Variants in PDZRN4 observed in about 807,000 individuals in gnomAD.
PDZRN4 encodes the protein PDZ domain-containing RING finger protein 4.
Under a neutral mutation model 99.0 loss-of-function variants are expected in PDZRN4, and 70 were observed. That is an observed-to-expected ratio of 0.71 (90% CI 0.58 to 0.86). PDZRN4 has a LOEUF of 0.86. Ranked by LOEUF, PDZRN4 falls within the 40% of genes least tolerant of loss-of-function variation. The pLI, the probability that PDZRN4 is intolerant of heterozygous loss-of-function variation, is 0.00. For synonymous variants in PDZRN4, 551 were observed against 501.6 expected, an observed-to-expected ratio of 1.10 and a Z score of -1.32; for missense variants, 1,474 against 1,331.2, an observed-to-expected ratio of 1.11 and a Z score of -1.67.
At position 41,353,105 on chromosome 12, in the gene PDZRN4, C is replaced by T. The variant is rs559634365; in HGVS notation, c.844-153351C>T. On this transcript the variant is annotated intron_variant, in intron 3 of 9. Transcript: ENST00000402685. ...AGAAATGTTTGTTAATTAGGCACTT[C>T]TATTTGTTGGTGATATACCAGATAT... Among the ~76,000 whole-genome samples the T allele has an allele frequency of 9.2e-5, 14 of 152,008 alleles. No individual in the cohort carries two copies. The South Asian group carries it at 2.9e-3, about 32-fold the overall frequency.
intron 5 of PDZRN4, among the ~76,000 whole-genome samples, chr12:41,520,677 G>C (rs1360066555): frequency 6.8e-6 from 1 of 146,780 alleles, no homozygotes; most frequent in Non-Finnish European, 1.5e-5. Flanking sequence ...CTCTAACTCA[G>C]CCGCATTATT....
chr12:41,227,689 C>A (rs956146166), intron 3 of PDZRN4, among the ~76,000 whole-genome samples: 5 of 151,580 alleles, frequency 3.3e-5, no homozygotes, highest in African/African-American at 7.3e-5. Context: ...CAACAACAAA[C>A]ATTAAGACAT....
intron 3 of PDZRN4, among the ~76,000 whole-genome samples, chr12:41,215,684 T>C (rs1468710188): frequency 6.6e-6 from 1 of 151,954 alleles, no homozygotes; most frequent in African/African-American, 2.4e-5. Context: ...CCACTTGAAT[T>C]ATAACTTGCA....
chr12:41,364,074 A>C (rs1470945003), intron 3 of PDZRN4, among the ~76,000 whole-genome samples: 1 of 152,082 alleles, frequency 6.6e-6, no homozygotes, highest in Non-Finnish European at 1.5e-5. Flanking sequence ...TAATACAAGG[A>C]AGAAGATCAT....
intron 3 of PDZRN4, among the ~76,000 whole-genome samples, chr12:41,443,835 A>G (rs1952701508): frequency 6.6e-6 from 1 of 152,154 alleles, no homozygotes; most frequent in South Asian, 2.1e-4. Flanking sequence ...TTTGCAGGAT[A>G]TCTAAGCAAT....
chr12:41,337,607 A>G (rs993655588), intron 3 of PDZRN4, among the ~76,000 whole-genome samples: 3 of 152,254 alleles, frequency 2.0e-5, no homozygotes, highest in South Asian at 2.1e-4. Context: ...GTGGAATTTC[A>G]TAGACTTCCA....
At chr12:41,362,547 A>G (rs1592028368) in intron 3 of PDZRN4, among the ~76,000 whole-genome samples, 1 of 152,030 alleles carries the variant, frequency 6.6e-6, no homozygotes, top group Admixed American at 6.6e-5. Flanking sequence ...AAGAAAATCT[A>G]TTCTTTCACA....
chr12:41,533,494 T>A (rs1938698288), intron 5 of PDZRN4, among the ~76,000 whole-genome samples: 1 of 152,188 alleles, frequency 6.6e-6, no homozygotes, highest in African/African-American at 2.4e-5. Context: ...TTTTAAAAAA[T>A]TTAGTAACCC....
chr12:41,452,065 T>C (rs1952779290), intron 3 of PDZRN4, among the ~76,000 whole-genome samples: 1 of 151,910 alleles, frequency 6.6e-6, no homozygotes, highest in African/African-American at 2.4e-5. Context: ...GTTGGTTTCA[T>C]TTCTTTAATA....
chr12:41,209,165 A>G (rs187055507), intron 3 of PDZRN4, among the ~76,000 whole-genome samples: 45 of 152,034 alleles, frequency 3.0e-4, no homozygotes, highest in Non-Finnish European at 6.2e-4. Context: ...AACTTCATGA[A>G]TCACGGGAAG....
rs1480572626 is a variant in PDZRN4 at position 41,574,418 on chromosome 12, G to A, written c.*528G>A. On this transcript the variant is annotated 3_prime_UTR_variant, in exon 10 of 10. Transcript: ENST00000402685. ...ATTGTACATTTAACACATAAATGGTGTTAACATCCCATTGTACATTTAACA... is the reference window on the plus strand; with the variant it reads ...ATTGTACATTTAACACATAAATGGTATTAACATCCCATTGTACATTTAACA... The A allele has an allele frequency of 6.5e-6, 1 of 152,672 alleles. No individual in the cohort carries two copies. The highest frequency in any genetic ancestry group is 6.5e-5 in the Admixed American group (1 of 15,280). The allele number at this position is 152,672 out of a possible 1,614,324, so 9.5% of individuals were successfully genotyped here. A position where few individuals can be genotyped will look rare whatever the true frequency, so the allele number is the denominator to read the frequency against.
chr12:41,453,415 T>C (rs1952790948), intron 3 of PDZRN4, among the ~76,000 whole-genome samples: 1 of 152,246 alleles, frequency 6.6e-6, no homozygotes, highest in South Asian at 2.1e-4. Flanking sequence ...CTTGTTTAAA[T>C]CATTTCTGGA....
At chr12:41,489,016 A>AGT (rs1247504435) in intron 3 of PDZRN4, among the ~76,000 whole-genome samples, 1 of 152,180 alleles carries the variant, frequency 6.6e-6, no homozygotes, top group African/African-American at 2.4e-5. Context: ...CAGCTTTGAA[A>AGT]GTGGCCCATC....
chr12:41,558,360 C>T (rs1592111918), intron 7 of PDZRN4, among the ~76,000 whole-genome samples: 2 of 152,260 alleles, frequency 1.3e-5, no homozygotes, highest in Middle Eastern at 3.4e-3. Context: ...TTTCTTACTC[C>T]TCCCTTGCTG....
Position 41,286,336 on chromosome 12 carries a change from C to CTTTTTTTTT in PDZRN4, c.843+92163_843+92171dup, listed in dbSNP as rs71081721. ...TTTACAGATCATTTTCCTTCTTCTT[C>CTTTTTTTTT]TTTTTTTTTTTTTTTTTTTTTTTGT... is the stretch of plus-strand genomic sequence containing the variant. On this transcript the variant is annotated intron_variant, in intron 3 of 9. Transcript: ENST00000402685. Among the ~76,000 whole-genome samples the CTTTTTTTTT allele has an allele frequency of 1.7e-3, 184 of 106,230 alleles. 1 individual carries two copies. Among genetic ancestry groups the CTTTTTTTTT allele is most frequent in the African/African-American group, 2.9e-3 (79 of 27,330 alleles). The allele number at this position is 106,230 out of a possible 152,430, so 69.7% of individuals were successfully genotyped here.
chr12:41,326,051 A>G (rs1441175023), intron 3 of PDZRN4, among the ~76,000 whole-genome samples: 1 of 151,846 alleles, frequency 6.6e-6, no homozygotes, highest in Admixed American at 6.6e-5. Context: ...GCATGATATC[A>G]TGGCTCACAA....
chr12:41,459,138 T>C (rs2405921), intron 3 of PDZRN4, among the ~76,000 whole-genome samples: 78,408 of 151,762 alleles, frequency 0.52, 20,779 homozygotes, highest in African/African-American at 0.65. Flanking sequence ...ATGGGCTAAA[T>C]ATCTGTCCAA....
chr12:41,210,077 T>A (rs1424402696), intron 3 of PDZRN4, among the ~76,000 whole-genome samples: 2 of 152,154 alleles, frequency 1.3e-5, no homozygotes, highest in Non-Finnish European at 2.9e-5. Flanking sequence ...TGGTTTTGAT[T>A]TGCATTTCTC....
intron 9 of PDZRN4, among the ~76,000 whole-genome samples, chr12:41,572,011 T>C (rs996348545): frequency 2.6e-5 from 4 of 152,214 alleles, no homozygotes. Flanking sequence ...TTCTTTTGCA[T>C]ATTATCACCT....
Sources: gnomAD v4.1 joint callset for allele counts (sites outside exome capture counted in the v4.1 genomes callset) on GRCh38, gnomAD v4.1.1 for gene constraint, MANE v1.5 for transcripts, NCBI Gene and HGNC (gene_info 2026-07-23, HGNC 2026-07-21) for gene names.